The following ZFHX3 variants were observed in gnomAD, a reference collection of about 807,000 sequenced individuals.
ZFHX3 encodes zinc finger homeobox protein 3.
In ZFHX3, 42 loss-of-function variants were observed where a neutral mutation model predicts 279.1. That is an observed-to-expected ratio of 0.15 (90% CI 0.12 to 0.19). ZFHX3 has a LOEUF of 0.19. ZFHX3 is among the 10% of genes least tolerant of loss of function. The probability of loss-of-function intolerance (pLI) is 1.00; values close to 1 mark genes in which losing one functional copy is unlikely to be tolerated. For synonymous variants in ZFHX3, 2,293 were observed against 1,957.8 expected (o/e 1.17, Z -4.52); for missense variants, 4,981 against 4,754.0 (o/e 1.05, Z -1.40).
intron 1 of ZFHX3, among the ~76,000 whole-genome samples, chr16:73,765,771 C>T (rs552978878): frequency 1.3e-5 from 2 of 152,320 alleles, no homozygotes; most frequent in East Asian, 3.9e-4. Flanking sequence ...TTGGATACAA[C>T]TGTGAAAGAA....
At chr16:72,977,197 C>A (rs1962387677) in intron 1 of ZFHX3, among the ~76,000 whole-genome samples, 1 of 152,188 alleles carries the variant, frequency 6.6e-6, no homozygotes, top group African/African-American at 2.4e-5. Context: ...GCATTCCCAT[C>A]CTGGTTTCTT....
intron 2 of ZFHX3, among the ~76,000 whole-genome samples, chr16:73,641,363 C>A (rs2052571730): frequency 6.6e-6 from 1 of 152,008 alleles, no homozygotes; most frequent in African/African-American, 2.4e-5. Context: ...TGGAGCAGAC[C>A]TAGAAAGTAA....
intron 5 of ZFHX3, among the ~76,000 whole-genome samples, chr16:73,164,453 A>G (rs1967310898): frequency 6.6e-6 from 1 of 152,192 alleles, no homozygotes; most frequent in South Asian, 2.1e-4. Flanking sequence ...TAATCCCAGC[A>G]CTTTGGGAGG....
chr16:72,864,414 T>C (rs908841742), intron 4 of ZFHX3, among the ~76,000 whole-genome samples: 2 of 152,266 alleles, frequency 1.3e-5, no homozygotes, highest in South Asian at 2.1e-4. Context: ...AATCATTCAG[T>C]AGCAACTCAG....
At chr16:73,626,837 T>G (rs1408111157) in intron 2 of ZFHX3, among the ~76,000 whole-genome samples, 1 of 152,226 alleles carries the variant, frequency 6.6e-6, no homozygotes, top group East Asian at 1.9e-4. Context: ...TGCTTTGCTT[T>G]CTAGTCGTTT....
chr16:72,928,733 G>T (rs1203635502), intron 3 of ZFHX3, among the ~76,000 whole-genome samples: 3 of 152,182 alleles, frequency 2.0e-5, no homozygotes, highest in Admixed American at 2.0e-4. Flanking sequence ...ATCCCAGTAG[G>T]GAGGATGGCT....
intron 1 of ZFHX3, among the ~76,000 whole-genome samples, chr16:73,769,166 A>T (rs1162166177): frequency 1.3e-5 from 2 of 152,150 alleles, no homozygotes; most frequent in Non-Finnish European, 2.9e-5. Flanking sequence ...GTAGACTGGG[A>T]ATCTAAGACC....
At chr16:73,813,531 T>C (rs1198132175) in intron 1 of ZFHX3, among the ~76,000 whole-genome samples, 7 of 152,180 alleles carry the variant, frequency 4.6e-5, no homozygotes, top group African/African-American at 1.7e-4. Context: ...ATGTGACTCA[T>C]GCAGTCTGAA....
At chr16:72,997,762 T>C (rs980143880) in intron 1 of ZFHX3, among the ~76,000 whole-genome samples, 1 of 152,138 alleles carries the variant, frequency 6.6e-6, no homozygotes, top group African/African-American at 2.4e-5. Flanking sequence ...TCTATGAACT[T>C]TAAATTTCCC....
chr16:73,366,885 T>C (rs1371126361), intron 3 of ZFHX3, among the ~76,000 whole-genome samples: 1 of 152,222 alleles, frequency 6.6e-6, no homozygotes, highest in Non-Finnish European at 1.5e-5. Context: ...TGGTTGGGAT[T>C]CTAAAGTTCT....
intron 1 of ZFHX3, among the ~76,000 whole-genome samples, chr16:73,768,290 G>A (rs2053976877): frequency 6.6e-6 from 1 of 152,168 alleles, no homozygotes; most frequent in Non-Finnish European, 1.5e-5. Flanking sequence ...GCCTACTCTG[G>A]TCGGCCTCTG....
At chr16:73,418,256 G>C (rs748591540) in intron 3 of ZFHX3, among the ~76,000 whole-genome samples, 2 of 152,232 alleles carry the variant, frequency 1.3e-5, no homozygotes, top group Non-Finnish European at 2.9e-5. Flanking sequence ...TTAAGGAAGA[G>C]TCCGATTTCC....
intron 1 of ZFHX3, among the ~76,000 whole-genome samples, chr16:73,869,568 T>C (rs1037228241): frequency 3.3e-5 from 5 of 152,228 alleles, no homozygotes; most frequent in African/African-American, 1.2e-4. Context: ...ATACATAACT[T>C]ATTTGTGTAT....
intron 3 of ZFHX3, among the ~76,000 whole-genome samples, chr16:73,378,100 G>A (rs2016756613): frequency 7.2e-6 from 1 of 139,504 alleles, no homozygotes; most frequent in Non-Finnish European, 1.5e-5. Context: ...CCTTAGTTAG[G>A]ATTAACTCAT....
intron 1 of ZFHX3, among the ~76,000 whole-genome samples, chr16:73,759,703 A>C (rs1462144462): frequency 3.3e-5 from 5 of 152,142 alleles, no homozygotes; most frequent in African/African-American, 1.2e-4. Context: ...GATTCTCATA[A>C]ACCCTTAAAC....
At chr16:73,543,213 A>T (rs1042484989) in intron 2 of ZFHX3, among the ~76,000 whole-genome samples, 1 of 152,196 alleles carries the variant, frequency 6.6e-6, no homozygotes, top group African/African-American at 2.4e-5. Flanking sequence ...TAGGTAAAAA[A>T]TACCTGGCTA....
intron 2 of ZFHX3, 89 bp from the exon 3 acceptor site, chr16:72,951,054 A>G (rs1158147300): frequency 2.0e-6 from 3 of 1,518,208 alleles, no homozygotes; most frequent in African/African-American, 1.4e-5. Context: ...CGCCACCCTC[A>G]ACTGGGGTCC....
In ZFHX3 at chr16:72,797,189, C is replaced by T. The variant is rs1176587483; in HGVS notation, c.5493G>A (p.Leu1831=). 6.2e-7 allele frequency: 1 copy of T among 1,614,094 alleles called. No individual in the cohort carries two copies. Among genetic ancestry groups the T allele is most frequent in the East Asian group, 2.2e-5 (1 of 44,862 alleles). Residue 1831 remains leucine (L), a synonymous_variant, in exon 9 of 10, where the codon CTG becomes CTA. Coordinates refer to ENST00000268489, the MANE Select transcript of ZFHX3 (RefSeq NM_006885.4). ...ALTLTGTGPG[L]LEDLKAQVQV... is the part of the protein sequence containing the mutation. ...GAACCTGAGCCTTCAGATCTTCCAG[C>T]AGGCCTGGGCCTGTCCCAGTCAGTG...
At chr16:73,770,056 T>C (rs170594) in intron 1 of ZFHX3, among the ~76,000 whole-genome samples, 5,966 of 152,296 alleles carry the variant, frequency 0.039, 296 homozygotes, top group African/African-American at 0.11. Flanking sequence ...CTGAAATCTA[T>C]GAATGTGTTA....
Sources: gnomAD v4.1 joint callset for allele counts (sites outside exome capture counted in the v4.1 genomes callset) on GRCh38, gnomAD v4.1.1 for gene constraint, MANE v1.5 for transcripts, NCBI Gene and HGNC (gene_info 2026-07-23, HGNC 2026-07-21) for gene names.